SRRM3: variants seen among roughly 807,000 people sequenced by gnomAD.
The protein encoded by SRRM3 is serine/arginine repetitive matrix protein 3.
In SRRM3, 27 loss-of-function variants were observed where a neutral mutation model predicts 66.2. That is an observed-to-expected ratio of 0.41 (90% CI 0.30 to 0.56). The LOEUF (loss-of-function observed/expected upper bound fraction) is 0.56, where lower values mean the gene tolerates loss of function less well. SRRM3 is among the 20% of genes least tolerant of loss of function. The pLI, the probability that SRRM3 is intolerant of heterozygous loss-of-function variation, is 0.32. For synonymous variants in SRRM3, 391 were observed against 414.9 expected (o/e 0.94, Z 0.70); for missense variants, 918 against 991.9 (o/e 0.93, Z 1.00).
rs1191731971 is a variant in SRRM3 at position 76,281,595 on chromosome 7, G to T, written c.1163G>T (p.Arg388Leu). ...GCGGGCGGGGCGGGCAGGCGGCGGC[G>T]GCGGCGGCGTAGGCGGCGGCGCTCG... ...RAAGGAGRRR[R>L]RRRRRRRSRS... is the part of the protein sequence containing the mutation. Residue 388 changes from arginine to leucine, a missense_variant, in exon 12 of 15, where the codon CGG (arginine) becomes CTG (leucine). By Grantham distance (102) the Arg-to-Leu change is moderately radical. Transcript: ENST00000611745. 3 of 979,664 alleles carry T rather than the reference G, an allele frequency of 3.1e-6. No homozygotes were observed. The highest frequency in any genetic ancestry group is 1.2e-4 in the East Asian group (1 of 8,670). The allele number at this position is 979,664 out of a possible 1,614,324, so 60.7% of individuals were successfully genotyped here. A position where few individuals can be genotyped will look rare whatever the true frequency, so the allele number is the denominator to read the frequency against.
intron 10 of SRRM3, 59 bp downstream of exon 10, chr7:76,265,527 C>T: frequency 1.4e-6 from 2 of 1,394,406 alleles, no homozygotes; most frequent in Non-Finnish European, 2.0e-6. Context: ...GCAGATTAAA[C>T]ACCCCCAAGG....
chr7:76,248,288 A>C lies in SRRM3; in HGVS notation c.334A>C (p.Ile112Leu). ...LTREDRPGGHIVAETPRLTEG... is the reference protein window; with the variant it reads ...LTREDRPGGHLVAETPRLTEG... The stretch of plus-strand genomic sequence containing the variant: ...CAGGGAGGACCGGCCTGGGGGCCAC[A>C]TGTGAGTGCTTACCTGTGTGGGGAT... Residue 112 changes from isoleucine to leucine, a missense_variant and splice_region_variant, in exon 3 of 15, where the codon ATT (isoleucine) becomes CTT (leucine). Ile to Leu is a conservative substitution (Grantham distance 5). Coordinates refer to ENST00000611745, the MANE Select transcript of SRRM3 (RefSeq NM_001110199.3). 6.2e-7 allele frequency: 1 copy of C among 1,611,580 alleles called. No homozygotes were observed. Among genetic ancestry groups the C allele is most frequent in the South Asian group, 1.1e-5 (1 of 90,778 alleles).
intron 3 of SRRM3, among the ~76,000 whole-genome samples, chr7:76,258,726 AAAAAAAAG>A: frequency 7.0e-6 from 1 of 143,152 alleles, no homozygotes; most frequent in South Asian, 2.2e-4. Flanking sequence ...AAAAAAAAAA[AAAAAAAAG>A]AAAAAGAAAA....
Position 76,267,267 on chromosome 7 carries a change from C to A in SRRM3, c.840C>A (p.Pro280=). The A allele has an allele frequency of 6.4e-7, 1 of 1,551,758 alleles. No homozygotes were observed. The highest frequency in any genetic ancestry group is 2.7e-5 in the East Asian group (1 of 37,332). Residue 280 remains proline, a synonymous_variant, in exon 11 of 15, where the codon CCC becomes CCA. Coordinates refer to ENST00000611745, the MANE Select transcript of SRRM3 (RefSeq NM_001110199.3). ...SDSRSPSRLS[P]KHRDEGRKTG... is the part of the protein sequence containing the mutation. Reference sequence around the variant, plus strand: ...TGGCGCCTAACCCCAGGCTGAGCCCCAAGCACCGAGACGAAGGGCGAAAGA... The same window carrying A: ...TGGCGCCTAACCCCAGGCTGAGCCCAAAGCACCGAGACGAAGGGCGAAAGA...
intron 3 of SRRM3, among the ~76,000 whole-genome samples, chr7:76,253,856 G>A (rs1801642403): frequency 6.6e-6 from 1 of 150,894 alleles, no homozygotes; most frequent in Non-Finnish European, 1.5e-5. Flanking sequence ...AGCAGGATAG[G>A]AGAGTCTAGG....
chr7:76,265,306 T>C (rs1179767888), intron 9 of SRRM3, 58 bp from the exon 10 acceptor site: 2 of 1,358,254 alleles, frequency 1.5e-6, no homozygotes, highest in Non-Finnish European at 2.0e-6. Context: ...ACTTGGGGGC[T>C]GGGGGGATCA....
intron 2 of SRRM3, among the ~76,000 whole-genome samples, chr7:76,241,232 A>G (rs1037687792): frequency 6.6e-5 from 10 of 152,148 alleles, no homozygotes; most frequent in Non-Finnish European, 4.4e-5. Flanking sequence ...AGCTTTGGCC[A>G]TGCTAGCCAG....
chr7:76,275,879 A>G (rs1301741117), intron 11 of SRRM3, among the ~76,000 whole-genome samples: 4 of 152,116 alleles, frequency 2.6e-5, no homozygotes, highest in Admixed American at 1.3e-4. Flanking sequence ...GTTTGAGACC[A>G]GCCTGAGCAA....
chr7:76,282,908 C>A (rs1554612209), intron 13 of SRRM3, 36 bp downstream of exon 13: 5 of 1,309,756 alleles, frequency 3.8e-6, no homozygotes, highest in Non-Finnish European at 3.9e-6. Flanking sequence ...ACGGGGCGGG[C>A]GGCGGGGTGG....
intron 2 of SRRM3, among the ~76,000 whole-genome samples, chr7:76,235,796 AG>A: frequency 6.6e-6 from 1 of 151,556 alleles, no homozygotes; most frequent in South Asian, 2.1e-4. Flanking sequence ...ACCTGAGGTC[AG>A]GAGTTTGAGA....
chr7:76,264,589 G>T (rs1801962932), intron 8 of SRRM3, among the ~76,000 whole-genome samples, 176 bp from the exon 9 acceptor site: 1 of 152,156 alleles, frequency 6.6e-6, no homozygotes, highest in South Asian at 2.1e-4. Context: ...CGGAGCTTTG[G>T]CTGAGTGAAA....
At chr7:76,209,451 G>A (rs782267980) in intron 1 of SRRM3, among the ~76,000 whole-genome samples, 1 of 152,116 alleles carries the variant, frequency 6.6e-6, no homozygotes, top group Admixed American at 6.6e-5. Context: ...CAGAGGATTG[G>A]CACTCCAGAG....
At chr7:76,236,652 G>A (rs1302799880) in intron 2 of SRRM3, among the ~76,000 whole-genome samples, 8 of 152,248 alleles carry the variant, frequency 5.3e-5, no homozygotes, top group Admixed American at 1.3e-4. Context: ...GGGCCAAGGC[G>A]GAGCCAGGAT....
chr7:76,286,200 C>T lies in SRRM3; in HGVS notation c.*357C>T, dbSNP rs1554612809. On this transcript the variant is annotated 3_prime_UTR_variant, in exon 15 of 15. Transcript: ENST00000611745. Reference sequence around the variant, plus strand: ...GGATGGTACCAGAGTCCATGATCTGCTCTGTCACTTCACCTTAGCTCAGTG... The same window carrying T: ...GGATGGTACCAGAGTCCATGATCTGTTCTGTCACTTCACCTTAGCTCAGTG... The T allele has an allele frequency of 2.9e-6, 1 of 339,266 alleles. No individual in the cohort carries two copies. The highest frequency in any genetic ancestry group is 5.7e-6 in the Non-Finnish European group (1 of 174,382). The allele number at this position is 339,266 out of a possible 1,614,324, so 21.0% of individuals were successfully genotyped here.
chr7:76,276,407 C>T (rs112923257), intron 11 of SRRM3, among the ~76,000 whole-genome samples: 92 of 152,252 alleles, frequency 6.0e-4, no homozygotes, highest in Middle Eastern at 6.8e-3. Flanking sequence ...CTGCTCACCA[C>T]GGCAGCCCCC....
intron 6 of SRRM3, 94 bp from the exon 7 acceptor site, chr7:76,261,258 G>A: frequency 1.1e-6 from 1 of 876,926 alleles, no homozygotes; most frequent in Admixed American, 2.7e-5. Flanking sequence ...TCCCTTTCCA[G>A]CTTCAATGTC....
chr7:76,237,532 G>A (rs551244245), intron 2 of SRRM3, among the ~76,000 whole-genome samples: 163 of 152,312 alleles, frequency 1.1e-3, no homozygotes, highest in African/African-American at 3.6e-3. Context: ...CCAAGATTGC[G>A]CCACTGCACT....
rs1554606359 is a variant in SRRM3, at chr7:76,248,144, A to G, written c.234-44A>G. 6 of 1,543,026 alleles carry G rather than the reference A, an allele frequency of 3.9e-6. No homozygotes were observed. The South Asian group carries it at 6.9e-5, about 18-fold the overall frequency. ...AGTGCGGGGCAGGAAAGAGGGAACC[A>G]AATCTGGGAGACCAGCCCCTTCACC... is the stretch of plus-strand genomic sequence containing the variant. On this transcript the variant is annotated intron_variant, in intron 2 of 14. Transcript: ENST00000611745.
chr7:76,222,986 A>G (rs1214571877), intron 1 of SRRM3, among the ~76,000 whole-genome samples: 1 of 151,916 alleles, frequency 6.6e-6, no homozygotes, highest in Admixed American at 6.6e-5. Flanking sequence ...TGACCAGGAC[A>G]TCCTTCTCCT....
Sources: gnomAD v4.1 joint callset for allele counts (sites outside exome capture counted in the v4.1 genomes callset) on GRCh38, gnomAD v4.1.1 for gene constraint, MANE v1.5 for transcripts, NCBI Gene and HGNC (gene_info 2026-07-23, HGNC 2026-07-21) for gene names.